The following ASB4 variants were observed in gnomAD, a reference collection of about 807,000 sequenced individuals.
ASB4 encodes ankyrin repeat and SOCS box protein 4.
A neutral mutation model predicts 38.6 loss-of-function variants in ASB4; 35 were observed. The ratio of observed to expected loss-of-function variants is 0.91; its 90% confidence interval spans 0.69 to 1.20. The LOEUF (loss-of-function observed/expected upper bound fraction) is 1.20. Ranked by LOEUF, ASB4 falls within the 50% of genes most tolerant of loss-of-function variation. The probability of loss-of-function intolerance (pLI) is 0.00; values close to 1 mark genes in which losing one functional copy is unlikely to be tolerated. For missense variants in ASB4, 557 were observed against 527.2 expected (o/e 1.06, Z -0.55); for synonymous variants, 195 against 201.3 (o/e 0.97, Z 0.26).
At chr7:95,504,554 G>A (rs1430333641) in intron 2 of ASB4, among the ~76,000 whole-genome samples, 1 of 152,058 alleles carries the variant, frequency 6.6e-6, no homozygotes, top group East Asian at 1.9e-4. Flanking sequence ...ACCACCCTGA[G>A]GATTTTTGCC....
chr7:95,536,797 G>C lies in ASB4; in HGVS notation c.1092+247G>C, dbSNP rs192265538. Among the ~76,000 whole-genome samples the C allele has an allele frequency of 2.6e-4, 39 of 152,202 alleles. 1 individual carries two copies. In the East Asian group the frequency reaches 7.3e-3, roughly 29 times the overall value. On this transcript the variant is annotated intron_variant, in intron 4 of 4. Coordinates refer to ENST00000325885, the MANE Select transcript of ASB4 (RefSeq NM_016116.3). The stretch of plus-strand genomic sequence containing the variant: ...AAGTTGAATTAAGTATATAAAGGTG[G>C]CAGTTTTCCTTTCTTCTCATTAATT...
chr7:95,508,370 G>C (rs1790438442), intron 2 of ASB4, among the ~76,000 whole-genome samples: 1 of 152,040 alleles, frequency 6.6e-6, no homozygotes, highest in Non-Finnish European at 1.5e-5. Context: ...GAAGAGAGTT[G>C]AGAGTGAAAA....
intron 1 of ASB4, among the ~76,000 whole-genome samples, chr7:95,490,073 C>T (rs1239477029): frequency 6.6e-6 from 1 of 152,188 alleles, no homozygotes; most frequent in African/African-American, 2.4e-5. Context: ...GGGTAATGCA[C>T]TTTAAGTACT....
chr7:95,512,099 G>GT (rs1790490658), intron 2 of ASB4, among the ~76,000 whole-genome samples: 1 of 152,052 alleles, frequency 6.6e-6, no homozygotes, highest in South Asian at 2.1e-4. Flanking sequence ...GCTATCTTCT[G>GT]TAACACTTGA....
At chr7:95,550,744 T>C in the ASB4 span, among the ~76,000 whole-genome samples, 2 of 152,050 alleles carry the variant, frequency 1.3e-5, no homozygotes, top group African/African-American at 4.8e-5. Context: ...AGAGTCTGAG[T>C]TGTTGCTGTT....
chr7:95,546,794 A>T, the ASB4 span, among the ~76,000 whole-genome samples: 1 of 152,190 alleles, frequency 6.6e-6, no homozygotes, highest in East Asian at 1.9e-4. Context: ...CCGGCACAGG[A>T]TTTCACTTTT....
At chr7:95,471,038 G>A in the ASB4 span, among the ~76,000 whole-genome samples, 1 of 152,106 alleles carries the variant, frequency 6.6e-6, no homozygotes, top group South Asian at 2.1e-4. Context: ...AAATGATTTA[G>A]TTGATGCCAT....
chr7:95,488,756 T>A (rs914538217), intron 1 of ASB4, among the ~76,000 whole-genome samples: 4 of 152,226 alleles, frequency 2.6e-5, no homozygotes, highest in Non-Finnish European at 5.9e-5. Context: ...TAAATAAGTG[T>A]GCAGCTTGAT....
At chr7:95,487,744 T>C (rs547020455) in intron 1 of ASB4, among the ~76,000 whole-genome samples, 4 of 152,308 alleles carry the variant, frequency 2.6e-5, no homozygotes, top group African/African-American at 9.6e-5. Flanking sequence ...TTCCCACGAA[T>C]TGAGGTGTTT....
intron 3 of ASB4, among the ~76,000 whole-genome samples, chr7:95,530,545 G>A (rs1272669862): frequency 6.6e-6 from 1 of 152,092 alleles, no homozygotes; most frequent in Non-Finnish European, 1.5e-5. Context: ...CAGGCCTAAG[G>A]AAAAGCAGGT....
rs1790920342 is a variant in ASB4, at chr7:95,538,029, G to A, written c.*270G>A. On this transcript the variant is annotated 3_prime_UTR_variant, in exon 5 of 5. Coordinates refer to ENST00000325885, the MANE Select transcript of ASB4 (RefSeq NM_016116.3). Reference sequence around the variant, plus strand: ...TGTATAGTGTTCTTACTAAGTACCTGAAATATTTTTGTAAAACTTCTTATA... The same window carrying A: ...TGTATAGTGTTCTTACTAAGTACCTAAAATATTTTTGTAAAACTTCTTATA... The A allele has an allele frequency of 9.8e-6, 3 of 304,666 alleles. No homozygotes were observed. In the East Asian group the frequency reaches 1.6e-4, roughly 17 times the overall value. 18.9% of individuals were successfully genotyped at this position (304,666 alleles called of 1,614,324 possible). A position where few individuals can be genotyped will look rare whatever the true frequency, so the allele number is the denominator to read the frequency against.
intron 2 of ASB4, among the ~76,000 whole-genome samples, chr7:95,515,199 TTC>T (rs767456009): frequency 1.3e-4 from 17 of 129,062 alleles, no homozygotes; most frequent in South Asian, 1.2e-3. Flanking sequence ...CTTTCTTTCT[TTC>T]TTTCTTTCTT....
intron 3 of ASB4, among the ~76,000 whole-genome samples, chr7:95,535,475 T>C (rs923462501): frequency 1.3e-5 from 2 of 152,182 alleles, no homozygotes; most frequent in South Asian, 4.1e-4. Flanking sequence ...AAACTCATGA[T>C]GAACAAATTT....
the ASB4 span, among the ~76,000 whole-genome samples, chr7:95,548,103 A>G: frequency 6.6e-6 from 1 of 152,178 alleles, no homozygotes; most frequent in African/African-American, 2.4e-5. Flanking sequence ...TAGAAGTGAA[A>G]TTCAAGGTCA....
intron 2 of ASB4, among the ~76,000 whole-genome samples, chr7:95,521,279 TG>T (rs1386347433): frequency 3.3e-5 from 5 of 152,000 alleles, no homozygotes; most frequent in African/African-American, 7.2e-5. Context: ...CAATGAAAAA[TG>T]GGCAGAAGCT....
At chr7:95,507,155 T>A (rs982815896) in intron 2 of ASB4, among the ~76,000 whole-genome samples, 1 of 152,096 alleles carries the variant, frequency 6.6e-6, no homozygotes, top group Non-Finnish European at 1.5e-5. Context: ...TGTTTGTTTT[T>A]TTGCTGCAGG....
At chr7:95,522,736 T>C (rs1011634709) in intron 2 of ASB4, among the ~76,000 whole-genome samples, 10 of 152,210 alleles carry the variant, frequency 6.6e-5, no homozygotes, top group African/African-American at 2.4e-4. Context: ...CTGAAATTCT[T>C]ATCTTATCTG....
chr7:95,493,928 A>G lies in ASB4; in HGVS notation c.188-1830A>G, dbSNP rs114154312. ...AATTTATTTAAGCAATCTCCTATCAATTAACATGGAGGTTGTTTAACCATT... is the reference window on the plus strand; with the variant it reads ...AATTTATTTAAGCAATCTCCTATCAGTTAACATGGAGGTTGTTTAACCATT... On this transcript the variant is annotated intron_variant, in intron 1 of 4. Coordinates refer to ENST00000325885, the MANE Select transcript of ASB4 (RefSeq NM_016116.3). 5.5e-3 allele frequency among the ~76,000 whole-genome samples: 844 copies of G among 152,270 alleles called. 9 individuals are homozygous for G. Among genetic ancestry groups the G allele is most frequent in the African/African-American group, 0.019 (783 of 41,540 alleles).
the ASB4 span, among the ~76,000 whole-genome samples, chr7:95,471,525 C>T: frequency 7.9e-5 from 12 of 152,236 alleles, no homozygotes; most frequent in Admixed American, 7.8e-4. Context: ...CACCTATTAG[C>T]AATTATATTT....
Sources: allele counts gnomAD v4.1 joint callset (sites outside exome capture counted in the v4.1 genomes callset), GRCh38; gene constraint gnomAD v4.1.1; transcripts MANE v1.5; gene names NCBI Gene and HGNC (gene_info 2026-07-23, HGNC 2026-07-21).